Variants in TMTC1 observed in about 807,000 individuals in gnomAD.
TMTC1 encodes protein O-mannosyl-transferase TMTC1.
A neutral mutation model predicts 104.8 loss-of-function variants in TMTC1; 73 were observed. The observed-to-expected ratio is 0.70, with a 90% CI of 0.58 to 0.85. TMTC1 has a LOEUF of 0.85. TMTC1 is among the 40% of genes least tolerant of loss of function. The probability of loss-of-function intolerance (pLI) is 0.00; values close to 1 mark genes in which losing one functional copy is unlikely to be tolerated. For synonymous variants in TMTC1, 434 were observed against 428.7 expected (o/e 1.01, Z -0.15); for missense variants, 1,035 against 1,096.1 (o/e 0.94, Z 0.79).
chr12:29,762,205 G>C (rs1943367341), intron 2 of TMTC1, among the ~76,000 whole-genome samples: 2 of 152,092 alleles, frequency 1.3e-5, no homozygotes, highest in Non-Finnish European at 1.5e-5. Flanking sequence ...AATAAGCATG[G>C]AGGTAAACCA....
At chr12:29,753,869 C>A (rs1375102892) in intron 4 of TMTC1, among the ~76,000 whole-genome samples, 1 of 152,130 alleles carries the variant, frequency 6.6e-6, no homozygotes, top group East Asian at 1.9e-4. Flanking sequence ...CCAGAAGTTT[C>A]TTTTTCTTTT....
chr12:29,712,892 G>A (rs1008543233), intron 5 of TMTC1, among the ~76,000 whole-genome samples: 13 of 152,234 alleles, frequency 8.5e-5, no homozygotes, highest in Non-Finnish European at 1.2e-4. Flanking sequence ...TATCCATTGC[G>A]ATAGTTAATT....
chr12:29,687,337 C>T (rs1941125926), intron 5 of TMTC1, among the ~76,000 whole-genome samples: 1 of 152,006 alleles, frequency 6.6e-6, no homozygotes, highest in Admixed American at 6.5e-5. Context: ...ATGCATAACC[C>T]AAATACAATC....
intron 10 of TMTC1, among the ~76,000 whole-genome samples, chr12:29,547,585 A>G (rs535506414): frequency 1.2e-4 from 19 of 152,348 alleles, no homozygotes; most frequent in Admixed American, 5.9e-4. Flanking sequence ...ATGAACTAGG[A>G]AAGTTCTCTA....
intron 2 of TMTC1, among the ~76,000 whole-genome samples, chr12:29,760,156 G>C (rs1943310931): frequency 6.6e-6 from 1 of 152,150 alleles, no homozygotes; most frequent in South Asian, 2.1e-4. Context: ...TATGATGTTT[G>C]CACAATGACA....
intron 11 of TMTC1, among the ~76,000 whole-genome samples, chr12:29,522,887 A>C (rs1944219715): frequency 6.6e-6 from 1 of 152,182 alleles, no homozygotes. Context: ...ATCTATTAAA[A>C]CATTTGAAAC....
intron 1 of TMTC1, among the ~76,000 whole-genome samples, chr12:29,776,113 G>C (rs972576621): frequency 6.6e-6 from 1 of 152,152 alleles, no homozygotes; most frequent in Non-Finnish European, 1.5e-5. Flanking sequence ...ATGAATCTTA[G>C]GAACCTGAGA....
intron 10 of TMTC1, among the ~76,000 whole-genome samples, chr12:29,536,803 T>C (rs115885014): frequency 0.015 from 2,284 of 152,296 alleles, 58 homozygotes; most frequent in African/African-American, 0.052. Context: ...TTTGGTTTTA[T>C]ATTTAAGAGA....
At chr12:29,762,471 G>A (rs539167334) in intron 2 of TMTC1, among the ~76,000 whole-genome samples, 1 of 152,060 alleles carries the variant, frequency 6.6e-6, no homozygotes, top group Non-Finnish European at 1.5e-5. Flanking sequence ...TTACTTTAAG[G>A]TTTACACGTA....
intron 5 of TMTC1, among the ~76,000 whole-genome samples, chr12:29,698,271 T>C (rs1941482544): frequency 2.0e-5 from 3 of 152,194 alleles, no homozygotes. Context: ...ATACCTTTCA[T>C]ATTGCCATGA....
At chr12:29,672,144 C>A (rs534928398) in intron 5 of TMTC1, among the ~76,000 whole-genome samples, 14 of 152,200 alleles carry the variant, frequency 9.2e-5, no homozygotes, top group Non-Finnish European at 1.9e-4. Context: ...GACTCCATCT[C>A]CCTTGGCTCA....
At chr12:29,554,813 C>T (rs1945195825) in intron 10 of TMTC1, among the ~76,000 whole-genome samples, 1 of 152,122 alleles carries the variant, frequency 6.6e-6, no homozygotes, top group Non-Finnish European at 1.5e-5. Context: ...CCACTGAACT[C>T]TAGCCTGGGT....
chr12:29,576,563 A>T (rs1203885175), intron 8 of TMTC1, among the ~76,000 whole-genome samples: 1 of 152,182 alleles, frequency 6.6e-6, no homozygotes, highest in Non-Finnish European at 1.5e-5. Flanking sequence ...CCTATATGTG[A>T]AATCTTAATA....
At chr12:29,660,915 T>A in intron 5 of TMTC1, 1 of 1,360,712 alleles carries the variant, frequency 7.3e-7, no homozygotes, top group Non-Finnish European at 9.9e-7. Flanking sequence ...AAATCTTAGA[T>A]AAGTGTGTCT....
chr12:29,773,198 C>T (rs1206221985), intron 1 of TMTC1, among the ~76,000 whole-genome samples: 6 of 152,098 alleles, frequency 3.9e-5, no homozygotes, highest in Admixed American at 6.5e-5. Flanking sequence ...AATGTAAGGC[C>T]GTGAGTTCTC....
intron 5 of TMTC1, among the ~76,000 whole-genome samples, chr12:29,745,411 T>C (rs1942926924): frequency 1.3e-5 from 2 of 151,838 alleles, no homozygotes; most frequent in Non-Finnish European, 2.9e-5. Context: ...TCACCCAAGG[T>C]CAAGAGTTCA....
chr12:29,700,433 C>A (rs996567997), intron 5 of TMTC1, among the ~76,000 whole-genome samples: 21 of 152,050 alleles, frequency 1.4e-4, no homozygotes, highest in African/African-American at 4.8e-4. Flanking sequence ...AAACTCCTGG[C>A]TTAATATCCT....
intron 5 of TMTC1, among the ~76,000 whole-genome samples, chr12:29,712,894 T>C (rs142612555): frequency 3.3e-5 from 5 of 152,296 alleles, no homozygotes; most frequent in African/African-American, 1.2e-4. Flanking sequence ...TCCATTGCGA[T>C]AGTTAATTTT....
rs1324399141 is a variant in TMTC1, at chr12:29,633,297, C to G, written c.978G>C (p.Trp326Cys). 12 of 1,613,230 alleles carry G rather than the reference C, an allele frequency of 7.4e-6. No individual in the cohort carries two copies. Among genetic ancestry groups the G allele is most frequent in the Admixed American group, 1.7e-5 (1 of 59,950 alleles). Reference protein sequence around the residue: ...TYSYLLAFNVWLLLAPVTLCY... With the variant: ...TYSYLLAFNVCLLLAPVTLCY... ...ACAGGGTCACGGGTGCAAGCAGAAG[C>G]CACACATTGAAGGCCAAGAGGTAGG... The change falls in exon 6 of 18, where the codon TGG becomes TGC. Residue 326 changes from tryptophan to cysteine, a missense_variant. By Grantham distance (215) the Trp-to-Cys change is radical. Transcript: ENST00000539277.
Sources: gnomAD v4.1 joint callset for allele counts (sites outside exome capture counted in the v4.1 genomes callset) on GRCh38, gnomAD v4.1.1 for gene constraint, MANE v1.5 for transcripts, NCBI Gene and HGNC (gene_info 2026-07-23, HGNC 2026-07-21) for gene names.